The following FHIT variants were observed in gnomAD, a reference collection of about 807,000 sequenced individuals.
FHIT encodes the protein bis(5'-adenosyl)-triphosphatase.
FHIT carries 19 observed loss-of-function variants against 17.9 expected under a neutral mutation model. That is an observed-to-expected ratio of 1.06 (90% confidence interval 0.74 to 1.56). The LOEUF (loss-of-function observed/expected upper bound fraction) is 1.56. Ranked by LOEUF, FHIT falls within the 40% of genes most tolerant of loss-of-function variation. FHIT has a pLI of 0.00. For synonymous variants in FHIT, 81 were observed against 69.7 expected (o/e 1.16, Z -0.81); for missense variants, 248 against 189.2 (o/e 1.31, Z -1.82).
At chr3:60,905,820 T>C (rs1706379742) in intron 3 of FHIT, among the ~76,000 whole-genome samples, 1 of 152,146 alleles carries the variant, frequency 6.6e-6, no homozygotes, top group Non-Finnish European at 1.5e-5. Context: ...CAGAAACTAA[T>C]GAAAATATTT....
chr3:60,058,207 C>T (rs569632718), intron 5 of FHIT, among the ~76,000 whole-genome samples: 49 of 130,180 alleles, frequency 3.8e-4, no homozygotes, highest in Admixed American at 3.6e-4. Flanking sequence ...TGGCTCGACT[C>T]GATCTCGGCT....
intron 2 of FHIT, among the ~76,000 whole-genome samples, chr3:61,099,156 T>C (rs1296968822): frequency 6.6e-6 from 1 of 152,218 alleles, no homozygotes; most frequent in East Asian, 1.9e-4. Flanking sequence ...TCAAAAGCCT[T>C]TTCTACATCT....
intron 2 of FHIT, among the ~76,000 whole-genome samples, chr3:61,190,461 G>A (rs2038677595): frequency 6.6e-6 from 1 of 152,164 alleles, no homozygotes; most frequent in African/African-American, 2.4e-5. Flanking sequence ...GGAGAAATAG[G>A]AACACTGTTA....
chr3:60,960,849 T>C (rs1270763952), intron 3 of FHIT, among the ~76,000 whole-genome samples: 1 of 152,240 alleles, frequency 6.6e-6, no homozygotes, highest in Non-Finnish European at 1.5e-5. Context: ...ACATTTGGGT[T>C]GGTTCCAAGT....
intron 3 of FHIT, among the ~76,000 whole-genome samples, chr3:60,845,713 C>T (rs999848728): frequency 1.3e-5 from 2 of 152,118 alleles, no homozygotes; most frequent in African/African-American, 4.8e-5. Context: ...AACACACATA[C>T]CCCAGAAATA....
intron 8 of FHIT, among the ~76,000 whole-genome samples, chr3:59,913,033 T>C (rs1421031519): frequency 2.0e-5 from 3 of 152,174 alleles, no homozygotes; most frequent in Admixed American, 6.5e-5. Flanking sequence ...ACAAAAACTA[T>C]AAAAAGGAGT....
chr3:60,013,705 G>T (rs191352516), intron 6 of FHIT, among the ~76,000 whole-genome samples: 1 of 152,292 alleles, frequency 6.6e-6, no homozygotes, highest in Admixed American at 6.5e-5. Flanking sequence ...GAATGAAAAT[G>T]ATTTTTCCAG....
At chr3:60,789,121 G>T (rs1369530494) in intron 4 of FHIT, among the ~76,000 whole-genome samples, 3 of 144,322 alleles carry the variant, frequency 2.1e-5, no homozygotes, top group African/African-American at 5.3e-5. Context: ...TGTATATATA[G>T]ATATGTATAT....
intron 3 of FHIT, among the ~76,000 whole-genome samples, chr3:60,914,491 A>G (rs782552957): frequency 8.5e-5 from 13 of 152,082 alleles, no homozygotes; most frequent in Non-Finnish European, 1.8e-4. Context: ...TAAGACTTGC[A>G]TAGGAAAATG....
intron 4 of FHIT, among the ~76,000 whole-genome samples, chr3:60,605,744 G>A (rs535616616): frequency 1.3e-5 from 2 of 152,232 alleles, no homozygotes; most frequent in African/African-American, 4.8e-5. Flanking sequence ...GAGGTGCTGT[G>A]GGAACACAGC....
At chr3:61,196,620 A>C (rs1418340515) in intron 2 of FHIT, among the ~76,000 whole-genome samples, 1 of 152,184 alleles carries the variant, frequency 6.6e-6, no homozygotes, top group Non-Finnish European at 1.5e-5. Flanking sequence ...AGCAGGAAGG[A>C]GATGACATCT....
chr3:60,541,409 C>T (rs556489700), intron 4 of FHIT, among the ~76,000 whole-genome samples: 1 of 152,282 alleles, frequency 6.6e-6, no homozygotes, highest in African/African-American at 2.4e-5. Flanking sequence ...ATTTCCCTCC[C>T]CAGAATCTAC....
At chr3:60,366,098 A>C (rs942416978) in intron 5 of FHIT, among the ~76,000 whole-genome samples, 1 of 152,202 alleles carries the variant, frequency 6.6e-6, no homozygotes, top group African/African-American at 2.4e-5. Flanking sequence ...GTTTTCAGAA[A>C]ATGAGTCCTC....
rs62239749 is a variant in FHIT, at chr3:59,786,295, G to T, written c.349-33974C>A. Among the ~76,000 whole-genome samples, 841 of 152,276 alleles carry T rather than the reference G, an allele frequency of 5.5e-3. 3 individuals carry two copies. Among genetic ancestry groups the T allele is most frequent in the Non-Finnish European group, 8.7e-3 (590 of 68,026 alleles). ...CTCACCACTTAAAGTGTCAGAATTTGACCCCCACTGGCTAATGCAAAAAAC... is the reference window on the plus strand; with the variant it reads ...CTCACCACTTAAAGTGTCAGAATTTTACCCCCACTGGCTAATGCAAAAAAC... On this transcript the variant is annotated intron_variant, in intron 8 of 9. Coordinates refer to ENST00000492590, the MANE Select transcript of FHIT (RefSeq NM_002012.4).
At chr3:60,917,348 T>G (rs966163551) in intron 3 of FHIT, among the ~76,000 whole-genome samples, 1 of 152,232 alleles carries the variant, frequency 6.6e-6, no homozygotes, top group Non-Finnish European at 1.5e-5. Flanking sequence ...GCCAGAGCCT[T>G]CTGACTGGCC....
At chr3:61,177,183 A>C (rs2038185272) in intron 2 of FHIT, among the ~76,000 whole-genome samples, 1 of 119,566 alleles carries the variant, frequency 8.4e-6, no homozygotes, top group Admixed American at 9.7e-5. Context: ...TCTCAAAAAA[A>C]AAAAAAAGAA....
At chr3:60,684,027 C>A (rs1168342683) in intron 4 of FHIT, among the ~76,000 whole-genome samples, 1 of 152,058 alleles carries the variant, frequency 6.6e-6, no homozygotes, top group African/African-American at 2.4e-5. Flanking sequence ...TTCTATCTTA[C>A]AGATGAGGGC....
intron 5 of FHIT, among the ~76,000 whole-genome samples, chr3:60,322,831 C>T (rs765622449): frequency 2.0e-5 from 3 of 151,972 alleles, no homozygotes; most frequent in Non-Finnish European, 4.4e-5. Context: ...ACAGAAACTG[C>T]GACGACTATA....
intron 7 of FHIT, among the ~76,000 whole-genome samples, chr3:59,932,403 A>C (rs1275898917): frequency 1.3e-5 from 2 of 152,206 alleles, no homozygotes; most frequent in East Asian, 3.8e-4. Flanking sequence ...GGAAGAAAAC[A>C]TGCCTTGTCT....
Sources: allele counts gnomAD v4.1 joint callset (sites outside exome capture counted in the v4.1 genomes callset), GRCh38; gene constraint gnomAD v4.1.1; transcripts MANE v1.5; gene names NCBI Gene and HGNC (gene_info 2026-07-23, HGNC 2026-07-21).